The following IL7 variants were observed in gnomAD, a reference collection of about 807,000 sequenced individuals.
The protein encoded by IL7 is interleukin 7.
Under a neutral mutation model 21.6 loss-of-function variants are expected in IL7, and 3 were observed. That is an observed-to-expected ratio of 0.14 (90% CI 0.06 to 0.36). The LOEUF (loss-of-function observed/expected upper bound fraction) is 0.36. IL7 is among the 10% of genes least tolerant of loss of function. The pLI is 1.00. For synonymous variants in IL7, 62 were observed against 68.1 expected (o/e 0.91, Z 0.44); for missense variants, 175 against 200.2 (o/e 0.87, Z 0.76).
chr8:78,724,583 T>G, intron 3 of IL7, among the ~76,000 whole-genome samples: 1 of 152,060 alleles, frequency 6.6e-6, no homozygotes, highest in East Asian at 1.9e-4. Flanking sequence ...AAATTTTATT[T>G]TAAACATTAA....
At chr8:78,735,739 T>TA (rs1015157509) in intron 5 of IL7, among the ~76,000 whole-genome samples, 12 of 152,176 alleles carry the variant, frequency 7.9e-5, no homozygotes, top group Admixed American at 7.9e-4. Flanking sequence ...TCTCAGAGTG[T>TA]ACAGGCTCAC....
chr8:78,675,560 G>A (rs1809553150), downstream of IL7, among the ~76,000 whole-genome samples: 2 of 151,874 alleles, frequency 1.3e-5, no homozygotes, highest in Non-Finnish European at 1.5e-5. Context: ...GTATCAGTTT[G>A]GATATCTTTA....
At chr8:78,741,548 A>G (rs886137451) in intron 2 of IL7, among the ~76,000 whole-genome samples, 15 of 152,224 alleles carry the variant, frequency 9.9e-5, no homozygotes, top group Admixed American at 7.9e-4. Flanking sequence ...ATGAATGCCA[A>G]TTTCTTGCAA....
intron 2 of IL7, among the ~76,000 whole-genome samples, chr8:78,781,972 A>C (rs901057745): frequency 2.0e-5 from 3 of 152,118 alleles, no homozygotes; most frequent in African/African-American, 7.2e-5. Flanking sequence ...ATAGTCCTCA[A>C]GTTCTGAAGT....
chr8:78,687,792 C>A (rs1458623879), intron 3 of IL7, among the ~76,000 whole-genome samples: 4 of 130,992 alleles, frequency 3.1e-5, no homozygotes, highest in Non-Finnish European at 4.7e-5. Context: ...TTACGTAATA[C>A]ATTATATATA....
chr8:78,748,891 A>G (rs1458097890), intron 2 of IL7, among the ~76,000 whole-genome samples: 3 of 152,208 alleles, frequency 2.0e-5, no homozygotes, highest in Non-Finnish European at 4.4e-5. Flanking sequence ...GGTAAAATAG[A>G]TGATGGAAAA....
At chr8:78,788,231 TAATTTCTTGTTCTC>T (rs1263978345) in intron 2 of IL7, among the ~76,000 whole-genome samples, 1 of 152,112 alleles carries the variant, frequency 6.6e-6, no homozygotes, top group Non-Finnish European at 1.5e-5. Context: ...TTTCCTCTAC[TAATTTCTTGTTCTC>T]AATTTCATCT....
At chr8:78,772,721 A>G (rs1813000543) in intron 2 of IL7, among the ~76,000 whole-genome samples, 1 of 152,208 alleles carries the variant, frequency 6.6e-6, no homozygotes, top group Non-Finnish European at 1.5e-5. Context: ...GACCCCAAAC[A>G]TTTCTAATAT....
intron 3 of IL7, chr8:78,686,337 A>G (rs552571488): frequency 4.4e-4 from 335 of 760,634 alleles, no homozygotes; most frequent in Non-Finnish European, 5.9e-4. Context: ...TAAATTTGAG[A>G]AGGATATCAT....
At chr8:78,764,274 TA>T (rs887410090) in intron 2 of IL7, among the ~76,000 whole-genome samples, 63 of 150,564 alleles carry the variant, frequency 4.2e-4, no homozygotes, top group Middle Eastern at 3.4e-3. Context: ...TTCCTGATAA[TA>T]AAAAAAAAGC....
At chr8:78,705,898 C>T (rs894927015) in intron 3 of IL7, among the ~76,000 whole-genome samples, 3 of 151,962 alleles carry the variant, frequency 2.0e-5, no homozygotes, top group African/African-American at 7.3e-5. Context: ...TGGGTTACCA[C>T]TTTCGTCCCA....
chr8:78,784,827 T>C (rs1289854885), intron 2 of IL7, among the ~76,000 whole-genome samples: 2 of 152,140 alleles, frequency 1.3e-5, no homozygotes, highest in African/African-American at 2.4e-5. Context: ...GTGTCTTCAC[T>C]TTTCTCTTGG....
chr8:78,793,075 A>G (rs1366730056), intron 2 of IL7, among the ~76,000 whole-genome samples: 3 of 152,148 alleles, frequency 2.0e-5, no homozygotes, highest in African/African-American at 7.2e-5. Flanking sequence ...TCCTGTTATC[A>G]TATGGATTAA....
intron 2 of IL7, among the ~76,000 whole-genome samples, chr8:78,743,563 A>G (rs562482633): frequency 1.3e-5 from 2 of 151,272 alleles, no homozygotes; most frequent in African/African-American, 2.4e-5. Flanking sequence ...GGTCTATTCT[A>G]CTATTAATAC....
At chr8:78,724,407 T>C (rs1811305324) in intron 3 of IL7, among the ~76,000 whole-genome samples, 1 of 152,008 alleles carries the variant, frequency 6.6e-6, no homozygotes, top group Admixed American at 6.6e-5. Flanking sequence ...ATTTGCCTAT[T>C]TAAAGCTTAA....
At chr8:78,718,339 G>A (rs190465683) in intron 6 of IL7, 4 of 151,838 alleles carry the variant, frequency 2.6e-5, no homozygotes, top group Non-Finnish European at 5.9e-5. Flanking sequence ...AATATAGAAG[G>A]CACAGAATTC....
chr8:78,741,322 T>C (rs1256632872), intron 2 of IL7, among the ~76,000 whole-genome samples: 1 of 152,190 alleles, frequency 6.6e-6, no homozygotes, highest in African/African-American at 2.4e-5. Context: ...TTCCTGAAAA[T>C]TTAGTGGATA....
At chr8:78,724,644 T>C (rs1338026693) in intron 3 of IL7, among the ~76,000 whole-genome samples, 1 of 152,076 alleles carries the variant, frequency 6.6e-6, no homozygotes, top group East Asian at 1.9e-4. Flanking sequence ...TAACTATTAA[T>C]TTGAAAATTC....
chr8:78,690,963 A>G (rs1810192795), intron 3 of IL7, among the ~76,000 whole-genome samples: 1 of 152,068 alleles, frequency 6.6e-6, no homozygotes. Flanking sequence ...TCATTTACTA[A>G]TAATAGTCTT....
Sources: allele counts gnomAD v4.1 joint callset (sites outside exome capture counted in the v4.1 genomes callset), GRCh38; gene constraint gnomAD v4.1.1; transcripts MANE v1.5; gene names NCBI Gene and HGNC (gene_info 2026-07-23, HGNC 2026-07-21).